Variants in TRAM2 observed in about 807,000 individuals in gnomAD.
The protein encoded by TRAM2 is translocating chain-associated membrane protein 2.
A neutral mutation model predicts 51.0 loss-of-function variants in TRAM2; 12 were observed. The observed-to-expected ratio is 0.24, with a 90% CI of 0.15 to 0.38. TRAM2 has a LOEUF of 0.38. Among genes scored for constraint, TRAM2 ranks in the 10% least tolerant of loss-of-function variants. TRAM2 has a pLI of 1.00. For synonymous variants in TRAM2, 175 were observed against 179.4 expected, an observed-to-expected ratio of 0.98 and a Z score of 0.20; for missense variants, 361 against 462.0, an observed-to-expected ratio of 0.78 and a Z score of 2.00.
intron 8 of TRAM2, 56 bp downstream of exon 8, chr6:52,505,976 C>G: frequency 6.3e-7 from 1 of 1,587,474 alleles, no homozygotes; most frequent in Non-Finnish European, 8.6e-7. Flanking sequence ...ATCCGGGCCT[C>G]GGGGGAACCC....
At chr6:52,569,628 C>T (rs2239617) in intron 1 of TRAM2, among the ~76,000 whole-genome samples, 14,822 of 151,790 alleles carry the variant, frequency 0.098, 1,319 homozygotes, top group East Asian at 0.49. Flanking sequence ...ACAGCAATGG[C>T]TCGAGGTTGA....
At chr6:52,557,208 G>A (rs991516661) in intron 1 of TRAM2, among the ~76,000 whole-genome samples, 3 of 137,094 alleles carry the variant, frequency 2.2e-5, no homozygotes, top group Admixed American at 2.1e-4. Context: ...AAAAAGATAT[G>A]TCTGGTGAGG....
intron 7 of TRAM2, among the ~76,000 whole-genome samples, chr6:52,506,383 C>G (rs965211220): frequency 6.6e-6 from 1 of 152,224 alleles, no homozygotes; most frequent in African/African-American, 2.4e-5. Context: ...TGCCTGCTCC[C>G]ACAGCAAACC....
intron 2 of TRAM2, among the ~76,000 whole-genome samples, chr6:52,527,080 T>C (rs1487111083): frequency 6.6e-6 from 1 of 151,764 alleles, no homozygotes; most frequent in Non-Finnish European, 1.5e-5. Context: ...AACAACTGAT[T>C]AGAAAAAAAA....
intron 7 of TRAM2, among the ~76,000 whole-genome samples, chr6:52,506,634 T>A (rs1441578432): frequency 6.6e-6 from 1 of 152,164 alleles, no homozygotes; most frequent in Admixed American, 6.5e-5. Context: ...ACTGCTACGG[T>A]GACAGTGCAG....
intron 1 of TRAM2, among the ~76,000 whole-genome samples, chr6:52,559,973 G>T (rs1274061953): frequency 2.0e-5 from 3 of 152,146 alleles, no homozygotes; most frequent in Non-Finnish European, 4.4e-5. Context: ...GGGTGCGGTG[G>T]CTCATGCCTG....
intron 1 of TRAM2, among the ~76,000 whole-genome samples, chr6:52,561,571 C>T (rs1169290948): frequency 1.3e-5 from 2 of 151,762 alleles, no homozygotes; most frequent in Non-Finnish European, 2.9e-5. Flanking sequence ...CTGCAAGCTC[C>T]GCCTCCCGGG....
At chr6:52,528,232 C>A (rs1354399791) in intron 2 of TRAM2, among the ~76,000 whole-genome samples, 1 of 152,106 alleles carries the variant, frequency 6.6e-6, no homozygotes, top group Non-Finnish European at 1.5e-5. Context: ...ATTCTCTGAG[C>A]CTCAGTTTCC....
At chr6:52,557,545 C>A (rs898893359) in intron 1 of TRAM2, among the ~76,000 whole-genome samples, 1 of 152,124 alleles carries the variant, frequency 6.6e-6, no homozygotes, top group African/African-American at 2.4e-5. Flanking sequence ...AAGAATCAGA[C>A]AATCTAAATC....
chr6:52,500,056 C>G lies in TRAM2; in HGVS notation c.*3141G>C, dbSNP rs763140897. ...ATCCTTGGTCCACCAGCGCCACCTC[C>G]CTCTCCTCCTGCTGTGTCTGTTGGC... On this transcript the variant is annotated 3_prime_UTR_variant, in exon 11 of 11. Transcript: ENST00000182527. The G allele has an allele frequency of 3.9e-5, 6 of 152,356 alleles. No homozygotes were observed. The highest frequency in any genetic ancestry group is 8.8e-5 in the Non-Finnish European group (6 of 68,186). The allele number at this position is 152,356 out of a possible 1,614,324, so 9.4% of individuals were successfully genotyped here.
In TRAM2 at chr6:52,516,009, C is replaced by T; in HGVS notation, c.408G>A (p.Val136=). 1.2e-6 allele frequency: 2 copies of T among 1,614,102 alleles called. No individual in the cohort carries two copies. Residue 136 remains valine (V), a synonymous_variant, in exon 4 of 11, where the codon GTG becomes GTA. Coordinates refer to ENST00000182527, the MANE Select transcript of TRAM2 (RefSeq NM_012288.4). ...TSVIWCFYVV[V]TEGYLTNPRS... is the part of the protein sequence containing the mutation. ...AGCAGTCCTGAGAATGGCTCACCGT[C>T]ACCACCACGTAGAAGCACCAAATCA...
Position 52,521,843 on chromosome 6 carries a change from A to G in TRAM2, c.185-5106T>C, listed in dbSNP as rs142125939. Among the ~76,000 whole-genome samples the G allele has an allele frequency of 4.7e-3, 719 of 152,360 alleles. 6 individuals are homozygous for G. Among genetic ancestry groups the G allele is most frequent in the African/African-American group, 0.014 (573 of 41,592 alleles). On this transcript the variant is annotated intron_variant, in intron 2 of 10. Transcript: ENST00000182527. ...GCCCCTGTCGTGCATGAGCTCTCAA[A>G]AAGAACAGCAATCGTTTGGCAATAA...
At chr6:52,504,783 C>T in intron 9 of TRAM2, 29 bp from the exon 10 acceptor site, 1 of 1,569,628 alleles carries the variant, frequency 6.4e-7, no homozygotes, top group Non-Finnish European at 8.6e-7. Context: ...GGGGCTTAGG[C>T]TGGGGCTTGG....
At chr6:52,565,795 C>A (rs1271759124) in intron 1 of TRAM2, among the ~76,000 whole-genome samples, 2 of 152,194 alleles carry the variant, frequency 1.3e-5, no homozygotes, top group Admixed American at 6.5e-5. Flanking sequence ...ATAAATGTTA[C>A]ATACAGGCTG....
chr6:52,547,756 C>T (rs959455590), intron 1 of TRAM2, among the ~76,000 whole-genome samples: 13 of 152,338 alleles, frequency 8.5e-5, no homozygotes, highest in East Asian at 7.7e-4. Flanking sequence ...TGGAGGGCCA[C>T]GGGAGGCCTC....
intron 4 of TRAM2, among the ~76,000 whole-genome samples, chr6:52,513,538 G>C (rs1040892322): frequency 6.6e-6 from 1 of 152,138 alleles, no homozygotes; most frequent in South Asian, 2.1e-4. Flanking sequence ...GCAAATTGGT[G>C]GGGGGTTCTC....
chr6:52,577,039 C>A lies in TRAM2; in HGVS notation c.-124G>T. 4 of 1,142,454 alleles carry A rather than the reference C, an allele frequency of 3.5e-6. No individual in the cohort carries two copies. The highest frequency in any genetic ancestry group is 3.1e-5 in the South Asian group (1 of 32,534). 70.8% of individuals were successfully genotyped at this position (1,142,454 alleles called of 1,614,324 possible). A position where few individuals can be genotyped will look rare whatever the true frequency, so the allele number is the denominator to read the frequency against. ...CGCCCGCTCTCCCACAGCCGCTCGC[C>A]CGCCCAGCGCGGAACAACTTCGGGG... On this transcript the variant is annotated 5_prime_UTR_variant, in exon 1 of 11. Transcript: ENST00000182527.
At chr6:52,567,058 T>C (rs1562490248) in intron 1 of TRAM2, among the ~76,000 whole-genome samples, 1 of 152,228 alleles carries the variant, frequency 6.6e-6, no homozygotes, top group African/African-American at 2.4e-5. Flanking sequence ...ACAAAAGCAC[T>C]GCTTAATCAA....
At chr6:52,515,090 T>C (rs1766519435) in intron 4 of TRAM2, among the ~76,000 whole-genome samples, 1 of 152,212 alleles carries the variant, frequency 6.6e-6, no homozygotes, top group Non-Finnish European at 1.5e-5. Flanking sequence ...CAGAGTTCCT[T>C]GTGATGGGAG....
Sources: gnomAD v4.1 joint callset for allele counts (sites outside exome capture counted in the v4.1 genomes callset) on GRCh38, gnomAD v4.1.1 for gene constraint, MANE v1.5 for transcripts, NCBI Gene and HGNC (gene_info 2026-07-23, HGNC 2026-07-21) for gene names.